Variants in RIMBP2 observed in about 807,000 individuals in gnomAD.
The protein encoded by RIMBP2 is RIMS-binding protein 2.
In RIMBP2, 48 loss-of-function variants were observed where a neutral mutation model predicts 118.6. That is an observed-to-expected ratio of 0.40 (90% confidence interval 0.32 to 0.51). The LOEUF is 0.51. RIMBP2 is among the 20% of genes least tolerant of loss of function. RIMBP2 has a pLI of 0.41. For missense variants in RIMBP2, 1,551 were observed against 1,768.3 expected (o/e 0.88, Z 2.20); for synonymous variants, 762 against 742.9 (o/e 1.03, Z -0.42).
chr12:130,400,947 A>G (rs956687147), intron 21 of RIMBP2, among the ~76,000 whole-genome samples: 2 of 152,144 alleles, frequency 1.3e-5, no homozygotes, highest in African/African-American at 2.4e-5. Flanking sequence ...ATATGAAGAA[A>G]CGAATACTCG....
chr12:130,700,299 T>C (rs1230168636), intron 1 of RIMBP2, among the ~76,000 whole-genome samples: 2 of 151,452 alleles, frequency 1.3e-5, no homozygotes, highest in Admixed American at 6.6e-5. Flanking sequence ...ATGCCTGGAG[T>C]TGAGGAATCT....
chr12:130,461,124 CAT>C (rs2079951344), intron 6 of RIMBP2, among the ~76,000 whole-genome samples: 2 of 152,186 alleles, frequency 1.3e-5, no homozygotes, highest in Non-Finnish European at 2.9e-5. Context: ...CACATTTCCA[CAT>C]GAGATGTGGA....
At chr12:130,489,517 T>C (rs13328924) in intron 4 of RIMBP2, among the ~76,000 whole-genome samples, 30,878 of 152,128 alleles carry the variant, frequency 0.2, 3,459 homozygotes, top group Middle Eastern at 0.32. Flanking sequence ...CAGGGATTTC[T>C]ACCCCTCTCT....
chr12:130,451,989 T>C (rs2079045054), intron 7 of RIMBP2, among the ~76,000 whole-genome samples: 1 of 152,238 alleles, frequency 6.6e-6, no homozygotes, highest in Admixed American at 6.5e-5. Context: ...TATCCCGTCC[T>C]ATCCTCCTGG....
chr12:130,398,678 A>G (rs1362804194), intron 22 of RIMBP2: 1 of 152,570 alleles, frequency 6.6e-6, no homozygotes, highest in Non-Finnish European at 1.5e-5. Context: ...TTCAGAGCCA[A>G]CACTCGATCA....
intron 17 of RIMBP2, among the ~76,000 whole-genome samples, chr12:130,415,745 G>T (rs1255472754): frequency 1.3e-5 from 2 of 151,796 alleles, no homozygotes; most frequent in Non-Finnish European, 2.9e-5. Flanking sequence ...CATCCATATA[G>T]GAAATAAGAA....
chr12:130,514,621 C>T (rs565197286), intron 3 of RIMBP2, among the ~76,000 whole-genome samples: 93 of 152,286 alleles, frequency 6.1e-4, no homozygotes, highest in Non-Finnish European at 1.1e-3. Context: ...TCCCAGGATC[C>T]GACCTCCCTG....
chr12:130,616,000 G>A (rs1256448171), intron 2 of RIMBP2, among the ~76,000 whole-genome samples: 1 of 152,118 alleles, frequency 6.6e-6, no homozygotes, highest in East Asian at 1.9e-4. Context: ...TTTCACCTCT[G>A]GCAGGCACCA....
intron 1 of RIMBP2, among the ~76,000 whole-genome samples, chr12:130,639,179 G>C (rs1039572274): frequency 6.6e-6 from 1 of 151,844 alleles, no homozygotes. Flanking sequence ...CCTGAGGTCA[G>C]GAGTTCGAGA....
intron 4 of RIMBP2, among the ~76,000 whole-genome samples, chr12:130,487,988 A>G (rs2082625011): frequency 6.6e-6 from 1 of 152,150 alleles, no homozygotes; most frequent in African/African-American, 2.4e-5. Flanking sequence ...TCTCAACTGG[A>G]CTAGAAATGG....
intron 1 of RIMBP2, among the ~76,000 whole-genome samples, chr12:130,704,818 G>C (rs887261728): frequency 6.6e-6 from 1 of 152,132 alleles, no homozygotes; most frequent in South Asian, 2.1e-4. Flanking sequence ...CAGGGTCACC[G>C]GTTCAGGTCC....
intron 2 of RIMBP2, among the ~76,000 whole-genome samples, chr12:130,548,734 T>C (rs561269097): frequency 2.0e-5 from 3 of 151,832 alleles, no homozygotes; most frequent in Non-Finnish European, 4.4e-5. Context: ...CCACCGTGCC[T>C]GGCTAATTTT....
At chr12:130,632,769 G>T (rs1267369868) in intron 1 of RIMBP2, among the ~76,000 whole-genome samples, 2 of 152,190 alleles carry the variant, frequency 1.3e-5, no homozygotes, top group African/African-American at 4.8e-5. Context: ...GTGGGGCTGT[G>T]CATAACCAAC....
At chr12:130,448,787 G>A (rs1001730997) in intron 9 of RIMBP2, among the ~76,000 whole-genome samples, 5 of 152,214 alleles carry the variant, frequency 3.3e-5, no homozygotes, top group African/African-American at 7.2e-5. Context: ...ATTCTAATGG[G>A]AGCCCACAGC....
Position 130,621,269 on chromosome 12 carries a change from G to A in RIMBP2, c.-217+7053C>T, listed in dbSNP as rs2061294812. 6.6e-6 allele frequency among the ~76,000 whole-genome samples: 1 copy of A among 152,144 alleles called. No homozygotes were observed. Among genetic ancestry groups the A allele is most frequent in the Admixed American group, 6.5e-5 (1 of 15,278 alleles). On this transcript the variant is annotated intron_variant, in intron 2 of 22. Transcript: ENST00000690449. The surrounding 1 kb of genome is among the most constrained non-coding windows in gnomAD (Gnocchi z 6.6). ...CATGAGAGAAAAGCAGGGGGCACGT[G>A]CCATGGTCGTACACAGCCCTGCTGG...
At chr12:130,477,784 C>G (rs1429609636) in intron 5 of RIMBP2, among the ~76,000 whole-genome samples, 1 of 152,208 alleles carries the variant, frequency 6.6e-6, no homozygotes, top group Non-Finnish European at 1.5e-5. Context: ...ATTTTGAGAT[C>G]CAAGACCTGG....
chr12:130,502,244 C>G (rs1416635848), intron 4 of RIMBP2, among the ~76,000 whole-genome samples: 1 of 152,084 alleles, frequency 6.6e-6, no homozygotes, highest in Admixed American at 6.6e-5. Context: ...TCCATGCAGC[C>G]AATCAGAGGT....
At chr12:130,639,474 C>T (rs1360549813) in intron 1 of RIMBP2, among the ~76,000 whole-genome samples, 1 of 65,764 alleles carries the variant, frequency 1.5e-5, no homozygotes, top group Non-Finnish European at 2.7e-5. Context: ...ACTAATAGAA[C>T]AAGATCCTGC....
Position 130,620,264 on chromosome 12 carries a change from C to A in RIMBP2, c.-217+8058G>T, listed in dbSNP as rs2061222969. Among the ~76,000 whole-genome samples, 2 of 151,776 alleles carry A rather than the reference C, an allele frequency of 1.3e-5. No homozygotes were observed. Among genetic ancestry groups the A allele is most frequent in the Admixed American group, 1.3e-4 (2 of 15,230 alleles). ...AATCTTGAGCAGAGGGACCCAAGGA[C>A]AAAAAAAAGAACCAGCAGCCAGAGC... is the stretch of plus-strand genomic sequence containing the variant. On this transcript the variant is annotated intron_variant, in intron 2 of 22. Transcript: ENST00000690449. The surrounding 1 kb of genome is among the most constrained non-coding windows in gnomAD (Gnocchi z 5.3).
Sources: gnomAD v4.1 joint callset for allele counts (sites outside exome capture counted in the v4.1 genomes callset) on GRCh38, gnomAD v4.1.1 for gene constraint, Gnocchi (gnomAD v3.1) non-coding constraint, MANE v1.5 for transcripts, NCBI Gene and HGNC (gene_info 2026-07-23, HGNC 2026-07-21) for gene names.